The following CNTN6 variants were observed in gnomAD, a reference collection of about 807,000 sequenced individuals.
CNTN6 encodes the protein contactin-6.
CNTN6 carries 137 observed loss-of-function variants against 122.8 expected under a neutral mutation model. The observed-to-expected ratio is 1.12, with a 90% CI of 0.97 to 1.29. The LOEUF (loss-of-function observed/expected upper bound fraction) is 1.29. CNTN6 is among the 50% of genes most tolerant of loss of function. CNTN6 has a pLI of 0.00. For missense variants in CNTN6, 1,634 were observed against 1,223.4 expected (o/e 1.34, Z -5.01); for synonymous variants, 570 against 426.0 (o/e 1.34, Z -4.16).
chr3:1,175,158 G>A (rs990692562), intron 2 of CNTN6, among the ~76,000 whole-genome samples: 1 of 143,304 alleles, frequency 7.0e-6, no homozygotes, highest in African/African-American at 2.5e-5. Context: ...CTTGAGGGTG[G>A]GAGGCCCAGA....
intron 2 of CNTN6, among the ~76,000 whole-genome samples, chr3:1,150,347 C>G (rs1034615504): frequency 6.6e-6 from 1 of 152,002 alleles, no homozygotes; most frequent in African/African-American, 2.4e-5. Context: ...TTACTTTTTC[C>G]TTGCTATTTG....
rs962002536 is a variant in CNTN6 at position 1,101,107 on chromosome 3, G to T, written c.-83+7987G>T. ...TCTCTGGTTCTGGACTATTTTATAT[G>T]TGAATTTTTTGGCTTCAAATTATAT... On this transcript the variant is annotated intron_variant, in intron 1 of 22. Transcript: ENST00000446702. Among the ~76,000 whole-genome samples the T allele has an allele frequency of 2.0e-5, 3 of 152,210 alleles. No individual in the cohort carries two copies. The South Asian group carries it at 6.2e-4, about 32-fold the overall frequency.
chr3:1,205,871 A>C (rs1042741050), intron 2 of CNTN6, among the ~76,000 whole-genome samples: 5 of 152,190 alleles, frequency 3.3e-5, no homozygotes, highest in African/African-American at 1.2e-4. Flanking sequence ...TATTTTAAGA[A>C]AGCTGTTACA....
chr3:1,154,220 G>C (rs528584121), intron 2 of CNTN6, among the ~76,000 whole-genome samples: 7 of 152,216 alleles, frequency 4.6e-5, no homozygotes, highest in African/African-American at 1.7e-4. Context: ...GCACTGGGGG[G>C]AAATGATTGG....
At chr3:1,285,860 G>A (rs1017475664) in intron 5 of CNTN6, among the ~76,000 whole-genome samples, 1 of 152,088 alleles carries the variant, frequency 6.6e-6, no homozygotes, top group African/African-American at 2.4e-5. Context: ...TACTCTACTG[G>A]AGACTATGTA....
intron 1 of CNTN6, among the ~76,000 whole-genome samples, chr3:1,138,160 C>T (rs752105804): frequency 2.0e-5 from 3 of 152,202 alleles, no homozygotes; most frequent in Non-Finnish European, 2.9e-5. Flanking sequence ...AACCGTGATG[C>T]TCGGAAGAGA....
chr3:1,314,750 C>T (rs899374574), intron 7 of CNTN6, among the ~76,000 whole-genome samples: 9 of 149,844 alleles, frequency 6.0e-5, no homozygotes, highest in African/African-American at 1.0e-4. Flanking sequence ...TCCAGAAGCA[C>T]GAAACCACAG....
intron 20 of CNTN6, among the ~76,000 whole-genome samples, chr3:1,392,414 A>G (rs1475170576): frequency 6.6e-6 from 1 of 152,212 alleles, no homozygotes; most frequent in Admixed American, 6.5e-5. Context: ...TTCAAGATGG[A>G]TTAAAGACTT....
intron 7 of CNTN6, among the ~76,000 whole-genome samples, chr3:1,308,018 G>T (rs1370144278): frequency 3.3e-5 from 5 of 152,082 alleles, no homozygotes; most frequent in African/African-American, 9.7e-5. Context: ...CACATTTGAT[G>T]AATAGAGTGT....
intron 2 of CNTN6, among the ~76,000 whole-genome samples, chr3:1,172,160 C>T (rs2093368665): frequency 2.0e-5 from 3 of 152,164 alleles, no homozygotes; most frequent in African/African-American, 7.2e-5. Context: ...GAACTTTATA[C>T]TTCTCTCCCT....
At chr3:1,102,319 A>G (rs1450244755) in intron 1 of CNTN6, among the ~76,000 whole-genome samples, 2 of 152,238 alleles carry the variant, frequency 1.3e-5, no homozygotes, top group Non-Finnish European at 2.9e-5. Context: ...GTGAAAGAAC[A>G]TGATTTTCCT....
chr3:1,309,781 C>G (rs1367861091), intron 7 of CNTN6, among the ~76,000 whole-genome samples: 2 of 152,110 alleles, frequency 1.3e-5, no homozygotes, highest in Non-Finnish European at 2.9e-5. Flanking sequence ...TATTTCTCCG[C>G]TTATTTCGAT....
Sources: allele counts gnomAD v4.1 joint callset (sites outside exome capture counted in the v4.1 genomes callset), GRCh38; gene constraint gnomAD v4.1.1; transcripts MANE v1.5; gene names NCBI Gene and HGNC (gene_info 2026-07-23, HGNC 2026-07-21).